MLLT3: variants seen among roughly 807,000 people sequenced by gnomAD.
The protein encoded by MLLT3 is protein AF-9.
In MLLT3, 4 loss-of-function variants were observed where a neutral mutation model predicts 53.2. The ratio of observed to expected loss-of-function variants is 0.08; its 90% CI spans 0.04 to 0.17. The LOEUF is 0.17. Among genes scored for constraint, MLLT3 ranks in the 10% least tolerant of loss-of-function variants. The probability of loss-of-function intolerance (pLI) is 1.00; values close to 1 mark genes in which losing one functional copy is unlikely to be tolerated. For missense variants in MLLT3, 569 were observed against 684.0 expected, an observed-to-expected ratio of 0.83 and a Z score of 1.87; for synonymous variants, 283 against 230.6, an observed-to-expected ratio of 1.23 and a Z score of -2.06.
chr9:20,399,390 G>A (rs539280144), intron 5 of MLLT3, among the ~76,000 whole-genome samples: 5 of 152,248 alleles, frequency 3.3e-5, no homozygotes, highest in African/African-American at 1.2e-4. Flanking sequence ...CAGGGACCAT[G>A]CAAAGAGCTG....
intron 2 of MLLT3, among the ~76,000 whole-genome samples, chr9:20,499,875 G>T (rs1825175480): frequency 6.6e-6 from 1 of 151,428 alleles, no homozygotes; most frequent in Non-Finnish European, 1.5e-5. Flanking sequence ...ATCCAGCCTG[G>T]ACATCATAGC....
chr9:20,454,266 CGTGT>C (rs1164465875), intron 3 of MLLT3, among the ~76,000 whole-genome samples: 1 of 151,710 alleles, frequency 6.6e-6, no homozygotes, highest in African/African-American at 2.4e-5. Flanking sequence ...CACACGCATG[CGTGT>C]GTGTGCGTGC....
intron 4 of MLLT3, among the ~76,000 whole-genome samples, chr9:20,419,964 T>G (rs1323966135): frequency 1.3e-5 from 2 of 152,190 alleles, no homozygotes; most frequent in Non-Finnish European, 2.9e-5. Flanking sequence ...TCTAACAATC[T>G]GGACCTAAAC....
intron 2 of MLLT3, among the ~76,000 whole-genome samples, chr9:20,612,217 A>C (rs546956023): frequency 3.2e-4 from 49 of 152,300 alleles, no homozygotes; most frequent in African/African-American, 1.1e-3. Flanking sequence ...TCTACATGCA[A>C]GATTGCTCCA....
intron 5 of MLLT3, among the ~76,000 whole-genome samples, chr9:20,391,975 A>G (rs1381324998): frequency 6.6e-6 from 1 of 152,320 alleles, no homozygotes; most frequent in East Asian, 1.9e-4. Flanking sequence ...GAAAAAGACA[A>G]AACTATATGG....
intron 2 of MLLT3, among the ~76,000 whole-genome samples, chr9:20,598,330 A>C (rs768159821): frequency 5.9e-5 from 9 of 152,340 alleles, no homozygotes; most frequent in Non-Finnish European, 1.3e-4. Context: ...AACTTATTTA[A>C]ATTACACTGA....
chr9:20,525,195 A>C (rs1403548337), intron 2 of MLLT3, among the ~76,000 whole-genome samples: 1 of 151,790 alleles, frequency 6.6e-6, no homozygotes, highest in Non-Finnish European at 1.5e-5. Context: ...TAAGTTCTAC[A>C]AACAGAAAGA....
At chr9:20,417,635 T>C (rs1392894941) in intron 4 of MLLT3, among the ~76,000 whole-genome samples, 1 of 152,084 alleles carries the variant, frequency 6.6e-6, no homozygotes, top group Non-Finnish European at 1.5e-5. Context: ...TTAAGGCAAA[T>C]GATTGTTTAA....
At chr9:20,381,921 C>T (rs1203148957) in intron 5 of MLLT3, among the ~76,000 whole-genome samples, 1 of 151,756 alleles carries the variant, frequency 6.6e-6, no homozygotes, top group South Asian at 2.1e-4. Flanking sequence ...TAGCTTCTCT[C>T]AGAAAATAAG....
At chr9:20,464,310 C>T (rs1824183076) in intron 2 of MLLT3, among the ~76,000 whole-genome samples, 2 of 152,042 alleles carry the variant, frequency 1.3e-5, no homozygotes, top group African/African-American at 4.8e-5. Context: ...CTTAAGGCTA[C>T]AAAGATAAGA....
In MLLT3 at chr9:20,621,855, G is replaced by C. The variant is rs938595146; in HGVS notation, c.12+390C>G. On this transcript the variant is annotated intron_variant, in intron 1 of 10. Coordinates refer to ENST00000380338, the MANE Select transcript of MLLT3 (RefSeq NM_004529.4). The surrounding 1 kb of genome is among the most constrained non-coding windows in gnomAD (Gnocchi z 7.0). The stretch of plus-strand genomic sequence containing the variant: ...CCCCGGACTGTGCCCGCAGCTCCCG[G>C]CGGCGGCGGCTGAAATATGGCTGAG... 3 of 1,372,728 alleles carry C rather than the reference G, an allele frequency of 2.2e-6. No homozygotes were observed. In the African/African-American group the frequency reaches 4.6e-5, roughly 21 times the overall value. 85.0% of individuals were successfully genotyped at this position (1,372,728 alleles called of 1,614,324 possible). A position where few individuals can be genotyped will look rare whatever the true frequency, so the allele number is the denominator to read the frequency against.
intron 2 of MLLT3, among the ~76,000 whole-genome samples, chr9:20,542,293 G>A (rs1486626899): frequency 6.8e-6 from 1 of 146,356 alleles, no homozygotes; most frequent in Admixed American, 7.0e-5. Flanking sequence ...GCCCAGGCCG[G>A]ACTGCGGACC....
chr9:20,501,917 C>T (rs1825246538), intron 2 of MLLT3, among the ~76,000 whole-genome samples: 1 of 151,572 alleles, frequency 6.6e-6, no homozygotes, highest in South Asian at 2.1e-4. Flanking sequence ...CTCGTCTCTA[C>T]TAAAAATACA....
chr9:20,469,549 T>A lies in MLLT3; in HGVS notation c.194-12763A>T, dbSNP rs142199098. On this transcript the variant is annotated intron_variant, in intron 2 of 10. Coordinates refer to ENST00000380338, the MANE Select transcript of MLLT3 (RefSeq NM_004529.4). ...GTTGATGAATAGGTTTATGCCCTAT[T>A]CAAGGAGATGAAACAGCTCAATAGA... Among the ~76,000 whole-genome samples the A allele has an allele frequency of 2.1e-3, 315 of 152,112 alleles. 3 individuals carry two copies. The highest frequency in any genetic ancestry group is 7.3e-3 in the African/African-American group (305 of 41,522).
intron 6 of MLLT3, 28 bp from the exon 7 acceptor site, chr9:20,363,633 ATCAAACATATAC>A (rs760920314): frequency 1.2e-6 from 2 of 1,610,052 alleles, no homozygotes; most frequent in Non-Finnish European, 1.7e-6. Context: ...ACCACAGGCA[ATCAAACATATAC>A]TCAAACACAC....
At chr9:20,619,300 T>C (rs549686152) in intron 2 of MLLT3, among the ~76,000 whole-genome samples, 3 of 152,272 alleles carry the variant, frequency 2.0e-5, no homozygotes, top group African/African-American at 4.8e-5. Flanking sequence ...GACCATCAAA[T>C]TCAACCGTTC....
At chr9:20,511,962 T>A (rs116641668) in intron 2 of MLLT3, among the ~76,000 whole-genome samples, 2 of 151,938 alleles carry the variant, frequency 1.3e-5, no homozygotes, top group East Asian at 3.9e-4. Flanking sequence ...AGTTCTAAAA[T>A]AGAAGAAGCC....
At chr9:20,506,936 T>C (rs1177488555) in intron 2 of MLLT3, among the ~76,000 whole-genome samples, 1 of 152,238 alleles carries the variant, frequency 6.6e-6, no homozygotes, top group Non-Finnish European at 1.5e-5. Context: ...GCTATTTAAG[T>C]AGGGGGTGGG....
intron 2 of MLLT3, among the ~76,000 whole-genome samples, chr9:20,609,115 G>C (rs1049543277): frequency 6.6e-6 from 1 of 151,928 alleles, no homozygotes; most frequent in African/African-American, 2.4e-5. Flanking sequence ...TTTATTTGCA[G>C]CTCTATTTTA....
Sources: gnomAD v4.1 joint callset for allele counts (sites outside exome capture counted in the v4.1 genomes callset) on GRCh38, gnomAD v4.1.1 for gene constraint, Gnocchi (gnomAD v3.1) non-coding constraint, MANE v1.5 for transcripts, NCBI Gene and HGNC (gene_info 2026-07-23, HGNC 2026-07-21) for gene names.